YBX2: variants seen among roughly 807,000 people sequenced by gnomAD.
YBX2 encodes Y-box binding protein 2, also known as Y-box-binding protein 2.
In YBX2, 5 loss-of-function variants were observed where a neutral mutation model predicts 44.4. The observed-to-expected ratio is 0.11, with a 90% CI of 0.06 to 0.24. The LOEUF (loss-of-function observed/expected upper bound fraction) is 0.24. Ranked by LOEUF, YBX2 falls within the 10% of genes least tolerant of loss-of-function variation. The probability of loss-of-function intolerance (pLI) is 1.00; values close to 1 mark genes in which losing one functional copy is unlikely to be tolerated. For missense variants in YBX2, 417 were observed against 526.9 expected, an observed-to-expected ratio of 0.79 and a Z score of 2.04; for synonymous variants, 188 against 216.1, an observed-to-expected ratio of 0.87 and a Z score of 1.14.
Position 7,288,485 on chromosome 17 carries a change from G to C in YBX2, c.*198C>G. On this transcript the variant is annotated 3_prime_UTR_variant, in exon 9 of 9. Coordinates refer to ENST00000007699, the MANE Select transcript of YBX2 (RefSeq NM_015982.4). ...GCTCCCTTCCTTCAACCCTTGATAA[G>C]GGGAGGGAAGAAAAAAGAAAAAGCA... is the stretch of plus-strand genomic sequence containing the variant. 2.8e-6 allele frequency: 1 copy of C among 360,196 alleles called. No individual in the cohort carries two copies. The highest frequency in any genetic ancestry group is 5.3e-6 in the Non-Finnish European group (1 of 189,164). The allele number at this position is 360,196 out of a possible 1,614,324, so 22.3% of individuals were successfully genotyped here. A position where few individuals can be genotyped will look rare whatever the true frequency, so the allele number is the denominator to read the frequency against.
Position 7,288,491 on chromosome 17 carries a change from G to A in YBX2, c.*192C>T. On this transcript the variant is annotated 3_prime_UTR_variant, in exon 9 of 9. Coordinates refer to ENST00000007699, the MANE Select transcript of YBX2 (RefSeq NM_015982.4). Reference sequence around the variant, plus strand: ...TTCCTTCAACCCTTGATAAGGGGAGGGAAGAAAAAAGAAAAAGCAAAAGGC... The same window carrying A: ...TTCCTTCAACCCTTGATAAGGGGAGAGAAGAAAAAAGAAAAAGCAAAAGGC... 1 of 370,180 alleles carries A rather than the reference G, an allele frequency of 2.7e-6. No homozygotes were observed. The highest frequency in any genetic ancestry group is 5.1e-6 in the Non-Finnish European group (1 of 195,366). 22.9% of individuals were successfully genotyped at this position (370,180 alleles called of 1,614,324 possible).
At chr17:7,293,751 C>T in intron 1 of YBX2, 4 of 945,574 alleles carry the variant, frequency 4.2e-6, no homozygotes, top group Non-Finnish European at 4.6e-6. Context: ...CTCAGGCTTT[C>T]AAAAAGCCTT....
chr17:7,290,505 C>A lies in YBX2; in HGVS notation c.490G>T (p.Gly164Trp). 6.2e-7 allele frequency: 1 copy of A among 1,612,506 alleles called. No homozygotes were observed. Among genetic ancestry groups the A allele is most frequent in the Non-Finnish European group, 8.5e-7 (1 of 1,178,972 alleles). ...GAEATNVTGP[G>W]GVPVKGSRYA... is the part of the protein sequence containing the mutation. ...CGGCTGCCCTTCACGGGTACTCCCC[C>A]AGGCCCAGTTACATTAGTGGCTTCT... Residue 164 changes from glycine (G) to tryptophan (W), a missense_variant, in exon 5 of 9, where the codon GGG becomes TGG. Around this residue, in one of 3 missense-constraint regions of YBX2, gnomAD observed 39 missense variants for 123.8 expected, o/e 0.32. Coordinates refer to ENST00000007699, the MANE Select transcript of YBX2 (RefSeq NM_015982.4).
chr17:7,289,798 C>T, intron 6 of YBX2, 73 bp from the exon 7 acceptor site: 1 of 1,601,870 alleles, frequency 6.2e-7, no homozygotes, highest in Admixed American at 1.7e-5. Context: ...CTGCCCCACC[C>T]CACCTCCAGG....
At position 7,289,961 on chromosome 17, in the gene YBX2, G is replaced by A. The variant is rs1597603249; in HGVS notation, c.848+7C>T. 1 of 1,614,004 alleles carries A rather than the reference G, an allele frequency of 6.2e-7. No homozygotes were observed. The highest frequency in any genetic ancestry group is 8.5e-7 in the Non-Finnish European group (1 of 1,179,846). ...GGGAAGACCAAGCCCCAGCAGGGGGGTCTTACCTTCGGTACCTGGGCCGGA... is the reference window on the plus strand; with the variant it reads ...GGGAAGACCAAGCCCCAGCAGGGGGATCTTACCTTCGGTACCTGGGCCGGA... On this transcript the variant is annotated splice_region_variant and intron_variant, in intron 6 of 8. Coordinates refer to ENST00000007699, the MANE Select transcript of YBX2 (RefSeq NM_015982.4).
chr17:7,294,133 G>C lies in YBX2; in HGVS notation c.271+97C>G. ...GTTAGCGCTCTGGGCCTGCGGGCCA[G>C]GCCGCCTTTGGTTTTCCGGATCCTG... On this transcript the variant is annotated intron_variant, in intron 1 of 8. Coordinates refer to ENST00000007699, the MANE Select transcript of YBX2 (RefSeq NM_015982.4). This position sits in a 1 kb window ranked among gnomAD's most constrained non-coding sequence, Gnocchi z 4.6. 2 of 1,210,102 alleles carry C rather than the reference G, an allele frequency of 1.7e-6. No individual in the cohort carries two copies. Among genetic ancestry groups the C allele is most frequent in the Non-Finnish European group, 2.1e-6 (2 of 968,362 alleles). The allele number at this position is 1,210,102 out of a possible 1,614,324, so 75.0% of individuals were successfully genotyped here.
chr17:7,292,206 AG>A, intron 2 of YBX2, 147 bp from the exon 3 acceptor site: 1 of 897,392 alleles, frequency 1.1e-6, no homozygotes, highest in Non-Finnish European at 1.8e-6. Context: ...GGGGAATGGG[AG>A]GGAGAGCCAG....
Position 7,292,038 on chromosome 17 carries a change from G to A in YBX2, c.357C>T (p.Val119=). 2 of 1,614,140 alleles carry A rather than the reference G, an allele frequency of 1.2e-6. No homozygotes were observed. The highest frequency in any genetic ancestry group is 1.7e-6 in the Non-Finnish European group (2 of 1,180,026). The change falls in exon 3 of 9, where the codon GTC becomes GTT. Residue 119 remains valine (V), a synonymous_variant. Transcript: ENST00000007699. ...FINRNDTKED[V]FVHQTAIKRN... ...ACCTAGCTCTTACCTGGTGAACAAA[G>A]ACATCTTCCTTGGTGTCATTCCTGC...
rs1223942075 is a variant in YBX2 at position 7,288,521 on chromosome 17, G to C, written c.*162C>G. 4 of 459,140 alleles carry C rather than the reference G, an allele frequency of 8.7e-6. No homozygotes were observed. Among genetic ancestry groups the C allele is most frequent in the Middle Eastern group, 6.4e-4 (1 of 1,558 alleles). 28.4% of individuals were successfully genotyped at this position (459,140 alleles called of 1,614,324 possible). A position where few individuals can be genotyped will look rare whatever the true frequency, so the allele number is the denominator to read the frequency against. Reference sequence around the variant, plus strand: ...AAAAAAGAAAAAGCAAAAGGCTGCTGCTTTGGTCCTCCTGAGTCTCAAGGA... The same window carrying C: ...AAAAAAGAAAAAGCAAAAGGCTGCTCCTTTGGTCCTCCTGAGTCTCAAGGA... On this transcript the variant is annotated 3_prime_UTR_variant, in exon 9 of 9. Transcript: ENST00000007699.
At position 7,291,231 on chromosome 17, in the gene YBX2, C is replaced by G; in HGVS notation, c.370-49G>C. 1 of 1,577,922 alleles carries G rather than the reference C, an allele frequency of 6.3e-7. No homozygotes were observed. Among genetic ancestry groups the G allele is most frequent in the Non-Finnish European group, 8.7e-7 (1 of 1,147,516 alleles). On this transcript the variant is annotated intron_variant, in intron 3 of 8. Transcript: ENST00000007699. The surrounding 1 kb of genome is among the most constrained non-coding windows in gnomAD (Gnocchi z 5.8). ...AAAAGTGAGACAGCAAGACAGGAGTCTCTGTCACCCCTGCTGGGGCCACCA... is the reference window on the plus strand; with the variant it reads ...AAAAGTGAGACAGCAAGACAGGAGTGTCTGTCACCCCTGCTGGGGCCACCA...
rs2072471243 is a variant in YBX2, at chr17:7,288,494, AG to A, written c.*188del. Reference sequence around the variant, plus strand: ...CTTCAACCCTTGATAAGGGGAGGGAAGAAAAAAGAAAAAGCAAAAGGCTGCT... The same window carrying A: ...CTTCAACCCTTGATAAGGGGAGGGAAAAAAAAGAAAAAGCAAAAGGCTGCT... On this transcript the variant is annotated 3_prime_UTR_variant, in exon 9 of 9. Coordinates refer to ENST00000007699, the MANE Select transcript of YBX2 (RefSeq NM_015982.4). The A allele has an allele frequency of 2.7e-6, 1 of 371,426 alleles. No homozygotes were observed. Among genetic ancestry groups the A allele is most frequent in the African/African-American group, 2.1e-5 (1 of 48,176 alleles). The allele number at this position is 371,426 out of a possible 1,614,324, so 23.0% of individuals were successfully genotyped here. A position where few individuals can be genotyped will look rare whatever the true frequency, so the allele number is the denominator to read the frequency against.
Position 7,291,165 on chromosome 17 carries a change from G to A in YBX2, c.387C>T (p.Asn129=), listed in dbSNP as rs1267544967. The change falls in exon 4 of 9, where the codon AAC becomes AAT. Residue 129 remains asparagine (N), a synonymous_variant. Transcript: ENST00000007699. The surrounding 1 kb of genome is among the most constrained non-coding windows in gnomAD (Gnocchi z 5.8). ...VFVHQTAIKR[N]NPRKFLRSVG... ...CGCTGCGCAGAAACTTCCTGGGGTT[G>A]TTTCTTTTAATAGCTGTCTGATTGG... 2.3e-5 allele frequency: 37 copies of A among 1,613,890 alleles called. No homozygotes were observed. The highest frequency in any genetic ancestry group is 2.7e-5 in the Non-Finnish European group (32 of 1,180,036).
intron 6 of YBX2, 21 bp downstream of exon 6, chr17:7,289,947 G>C (rs2072487667): frequency 3.1e-6 from 5 of 1,612,394 alleles, no homozygotes; most frequent in Non-Finnish European, 4.2e-6. Flanking sequence ...GGAAGACCAA[G>C]CCCCAGCAGG....
In YBX2 at chr17:7,289,636, C is replaced by T. The variant is rs2072484416; in HGVS notation, c.938G>A (p.Arg313Gln). 4 of 1,614,026 alleles carry T rather than the reference C, an allele frequency of 2.5e-6. No homozygotes were observed. Among genetic ancestry groups the T allele is most frequent in the South Asian group, 1.1e-5 (1 of 91,082 alleles). ...KPSQGPADGS[R>Q]PEPQRPRNRP... ...GTTTCGTGGGCGCTGGGGCTCAGGC[C>T]GGGAACCATCAGCGGGACCTTGGCT... is the stretch of plus-strand genomic sequence containing the variant. Residue 313 changes from arginine (R) to glutamine (Q), a missense_variant, in exon 7 of 9, where the codon CGG becomes CAG. Physicochemically the swap from Arg to Gln is conservative, Grantham distance 43. Transcript: ENST00000007699.
Position 7,293,552 on chromosome 17 carries a change from A to G in YBX2, c.272-14T>C, listed in dbSNP as rs1440457611. On this transcript the variant is annotated splice_polypyrimidine_tract_variant and intron_variant, in intron 1 of 8. Coordinates refer to ENST00000007699, the MANE Select transcript of YBX2 (RefSeq NM_015982.4). ...GGACTTGGATTGCTGCCAGGCAGAG[A>G]TGCAGTGGGGACAGTGAGATGGGGG... 8.1e-6 allele frequency: 13 copies of G among 1,614,110 alleles called. No homozygotes were observed. The highest frequency in any genetic ancestry group is 1.0e-5 in the Non-Finnish European group (12 of 1,180,000).
rs2143005953 is a variant in YBX2, at chr17:7,294,115, C to T, written c.271+115G>A. On this transcript the variant is annotated intron_variant, in intron 1 of 8. Coordinates refer to ENST00000007699, the MANE Select transcript of YBX2 (RefSeq NM_015982.4). The surrounding 1 kb of genome is among the most constrained non-coding windows in gnomAD (Gnocchi z 4.6). The stretch of plus-strand genomic sequence containing the variant: ...TGCGCAGCTCCCAGCCCAGTTAGCG[C>T]TCTGGGCCTGCGGGCCAGGCCGCCT... 6 of 1,137,818 alleles carry T rather than the reference C, an allele frequency of 5.3e-6. No homozygotes were observed. Among genetic ancestry groups the T allele is most frequent in the Non-Finnish European group, 5.5e-6 (5 of 901,332 alleles). The allele number at this position is 1,137,818 out of a possible 1,614,324, so 70.5% of individuals were successfully genotyped here.
rs1567605546 is a variant in YBX2 at position 7,294,261 on chromosome 17, C to CG, written c.239dup (p.Ala81GlyfsTer34). ...CCGGCTTGTCCGCCTGACTCCGGGCCGGGGGGGCGGGGGTTCCCGAGACCG... is the reference window on the plus strand; with the variant it reads ...CCGGCTTGTCCGCCTGACTCCGGGCCGGGGGGGGCGGGGGTTCCCGAGACCG... On this transcript the variant is annotated frameshift_variant, in exon 1 of 9. Transcript: ENST00000007699. LOFTEE classifies it high-confidence loss of function. The surrounding 1 kb of genome is among the most constrained non-coding windows in gnomAD (Gnocchi z 4.6). The CG allele has an allele frequency of 1.6e-5, 13 of 828,736 alleles. No individual in the cohort carries two copies. Among genetic ancestry groups the CG allele is most frequent in the East Asian group, 5.0e-5 (1 of 19,808 alleles). The allele number at this position is 828,736 out of a possible 1,614,324, so 51.3% of individuals were successfully genotyped here. A position where few individuals can be genotyped will look rare whatever the true frequency, so the allele number is the denominator to read the frequency against.
intron 1 of YBX2, chr17:7,293,850 C>T: frequency 1.9e-6 from 1 of 539,532 alleles, no homozygotes; most frequent in South Asian, 2.2e-5. Flanking sequence ...GTGCCGCCCC[C>T]AGGTCATAAC....
chr17:7,292,154 GC>G, intron 2 of YBX2, 95 bp from the exon 3 acceptor site: 1 of 1,407,132 alleles, frequency 7.1e-7, no homozygotes, highest in Non-Finnish European at 1.0e-6. Flanking sequence ...AGCTCAGTGG[GC>G]CCATCCTCTC....
Sources: gnomAD v4.1 joint callset for allele counts on GRCh38, gnomAD v4.1.1 for gene constraint, gnomAD v4.1.1 regional missense constraint, Gnocchi (gnomAD v3.1) non-coding constraint, MANE v1.5 for transcripts, NCBI Gene and HGNC (gene_info 2026-07-23, HGNC 2026-07-21) for gene names.